The following PIP4K2A variants were observed in gnomAD, a reference collection of about 807,000 sequenced individuals.
The protein encoded by PIP4K2A is phosphatidylinositol 5-phosphate 4-kinase type-2 alpha.
A neutral mutation model predicts 42.9 loss-of-function variants in PIP4K2A; 14 were observed. The observed-to-expected ratio is 0.33, with a 90% CI of 0.22 to 0.51. The LOEUF is 0.51. Among genes scored for constraint, PIP4K2A ranks in the 20% least tolerant of loss-of-function variants. PIP4K2A has a pLI of 0.97. For missense variants in PIP4K2A, 434 were observed against 519.8 expected (o/e 0.83, Z 1.61); for synonymous variants, 192 against 192.2 (o/e 1.00, Z 0.01).
Position 22,557,775 on chromosome 10 carries a change from G to A in PIP4K2A, c.679-7003C>T, listed in dbSNP as rs149913754. On this transcript the variant is annotated intron_variant, in intron 6 of 9. Transcript: ENST00000376573. ...TTTAATTATACAACAAGAGCCAACA[G>A]TATGGGTAAATGGCCATTAATAACT... is the stretch of plus-strand genomic sequence containing the variant. 9.1e-3 allele frequency among the ~76,000 whole-genome samples: 1,392 copies of A among 152,284 alleles called. 26 individuals carry two copies. The highest frequency in any genetic ancestry group is 0.031 in the African/African-American group (1,286 of 41,556).
intron 6 of PIP4K2A, among the ~76,000 whole-genome samples, chr10:22,559,443 A>G (rs995431580): frequency 5.3e-5 from 8 of 152,370 alleles, no homozygotes; most frequent in East Asian, 1.9e-4. Flanking sequence ...ACCATAAGCC[A>G]TAAGTCATAA....
rs74123078 is a variant in PIP4K2A, at chr10:22,544,242, C to T, written c.793-2195G>A. Among the ~76,000 whole-genome samples, 498 of 152,068 alleles carry T rather than the reference C, an allele frequency of 3.3e-3. 4 individuals are homozygous for T. Among genetic ancestry groups the T allele is most frequent in the African/African-American group, 0.011 (458 of 41,462 alleles). On this transcript the variant is annotated intron_variant, in intron 7 of 9. Coordinates refer to ENST00000376573, the MANE Select transcript of PIP4K2A (RefSeq NM_005028.5). ...CTTTCCCGTCAGAATGACCTGTGGG[C>T]CTGGGGTTTCAGAAGCCTATTTGAA... is the stretch of plus-strand genomic sequence containing the variant.
intron 7 of PIP4K2A, among the ~76,000 whole-genome samples, chr10:22,544,133 C>T (rs1040547805): frequency 6.6e-6 from 1 of 152,162 alleles, no homozygotes; most frequent in African/African-American, 2.4e-5. Context: ...GGAGGCCCTC[C>T]ACACATGACT....
chr10:22,648,772 G>A (rs1838935087), intron 1 of PIP4K2A, among the ~76,000 whole-genome samples: 1 of 152,184 alleles, frequency 6.6e-6, no homozygotes, highest in African/African-American at 2.4e-5. Flanking sequence ...CAAGCTTAAT[G>A]AGCAAGAAGC....
At chr10:22,610,288 G>A (rs1838000100) in intron 1 of PIP4K2A, among the ~76,000 whole-genome samples, 2 of 152,238 alleles carry the variant, frequency 1.3e-5, no homozygotes, top group Non-Finnish European at 2.9e-5. Context: ...GACTACAAGA[G>A]AAGGAGGTGG....
intron 1 of PIP4K2A, among the ~76,000 whole-genome samples, chr10:22,676,426 G>A (rs554999975): frequency 2.5e-4 from 38 of 152,116 alleles, no homozygotes; most frequent in Admixed American, 5.9e-4. Flanking sequence ...TAAACCTATC[G>A]TCTCTCAGCT....
intron 3 of PIP4K2A, among the ~76,000 whole-genome samples, chr10:22,597,783 T>C (rs912218131): frequency 1.3e-5 from 2 of 151,910 alleles, no homozygotes; most frequent in African/African-American, 4.8e-5. Flanking sequence ...AATCACCTAA[T>C]TTAAAAGGGC....
chr10:22,580,372 G>A (rs1837240129), intron 4 of PIP4K2A, among the ~76,000 whole-genome samples: 1 of 151,984 alleles, frequency 6.6e-6, no homozygotes, highest in African/African-American at 2.4e-5. Flanking sequence ...AGAAGAGGCT[G>A]GGCATAGTGG....
intron 1 of PIP4K2A, among the ~76,000 whole-genome samples, chr10:22,666,641 T>C: frequency 6.6e-6 from 1 of 152,236 alleles, no homozygotes; most frequent in Non-Finnish European, 1.5e-5. Flanking sequence ...TTCTTCAGCC[T>C]GCACAAACCC....
At chr10:22,538,392 C>T (rs527886920) in intron 9 of PIP4K2A, among the ~76,000 whole-genome samples, 14 of 150,810 alleles carry the variant, frequency 9.3e-5, no homozygotes, top group Admixed American at 2.0e-4. Context: ...GGCTAGGATA[C>T]ACTCCAATTT....
chr10:22,629,879 T>G (rs1838514971), intron 1 of PIP4K2A, among the ~76,000 whole-genome samples: 1 of 152,162 alleles, frequency 6.6e-6, no homozygotes, highest in Non-Finnish European at 1.5e-5. Context: ...GAGCCCTCCT[T>G]TCTATAAGAT....
intron 1 of PIP4K2A, among the ~76,000 whole-genome samples, chr10:22,628,668 C>A (rs540834017): frequency 6.6e-6 from 1 of 152,288 alleles, no homozygotes; most frequent in African/African-American, 2.4e-5. Context: ...CAGGGGAAGG[C>A]AGGCCTTCCA....
At position 22,667,575 on chromosome 10, in the gene PIP4K2A, C is replaced by T. The variant is rs75955005; in HGVS notation, c.144+46608G>A. 9.3e-3 allele frequency among the ~76,000 whole-genome samples: 1,423 copies of T among 152,226 alleles called. 28 individuals are homozygous for T. The highest frequency in any genetic ancestry group is 0.033 in the African/African-American group (1,363 of 41,526). ...AACAAATTTAGCACCTAACAAATGACGTGCTTCTCATGTCACATTCCATGA... is the reference window on the plus strand; with the variant it reads ...AACAAATTTAGCACCTAACAAATGATGTGCTTCTCATGTCACATTCCATGA... On this transcript the variant is annotated intron_variant, in intron 1 of 9. Coordinates refer to ENST00000376573, the MANE Select transcript of PIP4K2A (RefSeq NM_005028.5).
chr10:22,684,654 G>A (rs1839725791), intron 1 of PIP4K2A, among the ~76,000 whole-genome samples: 1 of 152,054 alleles, frequency 6.6e-6, no homozygotes, highest in East Asian at 1.9e-4. Flanking sequence ...CGAGCTCCCT[G>A]GCATCAAAAC....
intron 7 of PIP4K2A, among the ~76,000 whole-genome samples, chr10:22,550,316 C>T (rs1760834159): frequency 1.3e-5 from 2 of 152,190 alleles, no homozygotes; most frequent in African/African-American, 2.4e-5. Context: ...ACACAGAGTC[C>T]AGTACTCCCC....
intron 1 of PIP4K2A, among the ~76,000 whole-genome samples, chr10:22,699,675 CA>C (rs1454465692): frequency 1.3e-5 from 2 of 151,962 alleles, no homozygotes; most frequent in Admixed American, 6.6e-5. Flanking sequence ...TCCTTGGAAA[CA>C]AAAAAACCAA....
intron 3 of PIP4K2A, among the ~76,000 whole-genome samples, chr10:22,599,360 T>C (rs904296538): frequency 2.0e-5 from 3 of 152,210 alleles, no homozygotes; most frequent in African/African-American, 7.2e-5. Context: ...GATCTTTGTC[T>C]CTATATATCT....
At chr10:22,558,340 T>C (rs1395262934) in intron 6 of PIP4K2A, among the ~76,000 whole-genome samples, 2 of 152,218 alleles carry the variant, frequency 1.3e-5, no homozygotes, top group African/African-American at 4.8e-5. Context: ...AATTCACAAG[T>C]ATTTCTATAA....
chr10:22,656,076 T>C (rs536205500), intron 1 of PIP4K2A, among the ~76,000 whole-genome samples: 1 of 152,212 alleles, frequency 6.6e-6, no homozygotes, highest in Admixed American at 6.5e-5. Flanking sequence ...CCCCAGACCT[T>C]GCTGCCATCC....
Sources: gnomAD v4.1 joint callset for allele counts (sites outside exome capture counted in the v4.1 genomes callset) on GRCh38, gnomAD v4.1.1 for gene constraint, MANE v1.5 for transcripts, NCBI Gene and HGNC (gene_info 2026-07-23, HGNC 2026-07-21) for gene names.